RBFOX1: variants seen among roughly 807,000 people sequenced by gnomAD.
RBFOX1 encodes the protein RNA binding fox-1 homolog 1.
Under a neutral mutation model 57.7 loss-of-function variants are expected in RBFOX1, and 8 were observed. That is an observed-to-expected ratio of 0.14 (90% confidence interval 0.08 to 0.25). RBFOX1 has a LOEUF of 0.25. RBFOX1 is among the 10% of genes least tolerant of loss of function. The probability of loss-of-function intolerance (pLI) is 1.00; values close to 1 mark genes in which losing one functional copy is unlikely to be tolerated. For missense variants in RBFOX1, 611 were observed against 548.5 expected (o/e 1.11, Z -1.14); for synonymous variants, 326 against 222.4 (o/e 1.47, Z -4.15).
intron 1 of RBFOX1, among the ~76,000 whole-genome samples, chr16:5,448,715 C>G (rs2068329213): frequency 6.6e-6 from 1 of 152,196 alleles, no homozygotes; most frequent in Admixed American, 6.5e-5. Flanking sequence ...CCCTAAATGA[C>G]TAACTTGCTG....
At chr16:5,769,903 G>A (rs1472253116) in intron 3 of RBFOX1, among the ~76,000 whole-genome samples, 1 of 152,166 alleles carries the variant, frequency 6.6e-6, no homozygotes, top group Non-Finnish European at 1.5e-5. Flanking sequence ...GGAAATTCAT[G>A]CAGGATGTTG....
At chr16:7,566,262 T>A (rs529512111) in intron 5 of RBFOX1, among the ~76,000 whole-genome samples, 1 of 152,252 alleles carries the variant, frequency 6.6e-6, no homozygotes, top group East Asian at 1.9e-4. Flanking sequence ...AGCCTGCTTT[T>A]GATTGCTTTT....
chr16:5,782,450 G>A (rs188070385), intron 3 of RBFOX1, among the ~76,000 whole-genome samples: 449 of 152,256 alleles, frequency 2.9e-3, no homozygotes, highest in Non-Finnish European at 4.6e-3. Flanking sequence ...TATGATTTAC[G>A]CATGTCCCAG....
At chr16:5,687,982 C>A (rs9933614) in intron 3 of RBFOX1, among the ~76,000 whole-genome samples, 5 of 152,142 alleles carry the variant, frequency 3.3e-5, no homozygotes, top group African/African-American at 1.2e-4. Flanking sequence ...TTTTTCTTCT[C>A]GTTCTCTGCA....
At chr16:7,498,019 G>C (rs1340306379) in intron 4 of RBFOX1, among the ~76,000 whole-genome samples, 1 of 152,192 alleles carries the variant, frequency 6.6e-6, no homozygotes, top group Non-Finnish European at 1.5e-5. Flanking sequence ...AGGTGCTTTA[G>C]ACAGATTCTC....
intron 4 of RBFOX1, among the ~76,000 whole-genome samples, chr16:7,068,241 C>T (rs763960804): frequency 8.5e-5 from 13 of 152,266 alleles, no homozygotes; most frequent in South Asian, 2.1e-4. Context: ...CCAAGATTGT[C>T]GGTCCAAAAT....
intron 2 of RBFOX1, among the ~76,000 whole-genome samples, chr16:6,402,589 A>G (rs920488681): frequency 6.6e-6 from 1 of 152,152 alleles, no homozygotes; most frequent in Non-Finnish European, 1.5e-5. Context: ...TCCTTGACCT[A>G]TACATTTACA....
intron 7 of RBFOX1, among the ~76,000 whole-genome samples, chr16:7,591,353 GA>G (rs2152923088): frequency 1.3e-5 from 2 of 152,084 alleles, no homozygotes; most frequent in Admixed American, 1.3e-4. Context: ...CATCTAGGAT[GA>G]AAAATCAGTA....
intron 3 of RBFOX1, among the ~76,000 whole-genome samples, chr16:7,050,182 G>C (rs190783291): frequency 1.4e-5 from 2 of 145,594 alleles, no homozygotes; most frequent in African/African-American, 5.1e-5. Context: ...TTATAGAATT[G>C]TACCAGTTTC....
chr16:6,969,484 C>T (rs1177847788), intron 3 of RBFOX1, among the ~76,000 whole-genome samples: 1 of 151,966 alleles, frequency 6.6e-6, no homozygotes, highest in African/African-American at 2.4e-5. Flanking sequence ...CCTGTAATCC[C>T]AGCACTTCAG....
intron 3 of RBFOX1, among the ~76,000 whole-genome samples, chr16:5,795,365 G>A (rs1248943507): frequency 1.3e-5 from 2 of 151,642 alleles, no homozygotes; most frequent in Non-Finnish European, 2.9e-5. Context: ...GTGCAGTGGC[G>A]AGATCATGGC....
intron 4 of RBFOX1, among the ~76,000 whole-genome samples, chr16:7,366,665 T>C (rs979235115): frequency 1.3e-5 from 2 of 151,962 alleles, no homozygotes; most frequent in African/African-American, 4.8e-5. Flanking sequence ...TTTTCCCACT[T>C]AGATGAAATT....
chr16:5,723,713 G>T (rs1465922089), intron 3 of RBFOX1, among the ~76,000 whole-genome samples: 1 of 152,170 alleles, frequency 6.6e-6, no homozygotes, highest in Non-Finnish European at 1.5e-5. Flanking sequence ...CTCAGGCTTG[G>T]GCTGGATGGT....
At chr16:7,243,241 T>G (rs1292135218) in intron 4 of RBFOX1, among the ~76,000 whole-genome samples, 3 of 152,284 alleles carry the variant, frequency 2.0e-5, no homozygotes, top group Middle Eastern at 6.8e-3. Context: ...TTGGCATGAA[T>G]GTACCACATT....
chr16:6,227,257 C>A (rs1365643259), intron 1 of RBFOX1, among the ~76,000 whole-genome samples: 1 of 152,078 alleles, frequency 6.6e-6, no homozygotes, highest in African/African-American at 2.4e-5. Context: ...TAAAACGCAC[C>A]CTCAGAGCGT....
chr16:6,895,804 G>C (rs182587985), intron 3 of RBFOX1, among the ~76,000 whole-genome samples: 54 of 152,162 alleles, frequency 3.5e-4, no homozygotes, highest in Non-Finnish European at 7.6e-4. Flanking sequence ...TCCCGAATGT[G>C]AGACTTGAGC....
intron 1 of RBFOX1, among the ~76,000 whole-genome samples, chr16:6,204,094 T>G (rs2097236665): frequency 6.6e-6 from 1 of 152,124 alleles, no homozygotes; most frequent in Non-Finnish European, 1.5e-5. Context: ...ACATGTCTTA[T>G]TAAGTACAGG....
intron 11 of RBFOX1, among the ~76,000 whole-genome samples, chr16:7,636,997 C>A (rs1597047820): frequency 1.3e-5 from 2 of 152,166 alleles, no homozygotes. Flanking sequence ...GTTACGGCTT[C>A]CACATATGAA....
intron 3 of RBFOX1, among the ~76,000 whole-genome samples, chr16:7,007,889 T>C (rs2093394554): frequency 6.6e-6 from 1 of 152,168 alleles, no homozygotes; most frequent in Non-Finnish European, 1.5e-5. Flanking sequence ...TGTAAGAACC[T>C]TCATGCTGTC....
Sources: allele counts gnomAD v4.1 joint callset (sites outside exome capture counted in the v4.1 genomes callset), GRCh38; gene constraint gnomAD v4.1.1; transcripts MANE v1.5; gene names NCBI Gene and HGNC (gene_info 2026-07-23, HGNC 2026-07-21).